SLC2A4RG: variants seen among roughly 807,000 people sequenced by gnomAD.
SLC2A4RG encodes SLC2A4 regulator.
A neutral mutation model predicts 35.5 loss-of-function variants in SLC2A4RG; 23 were observed. That is an observed-to-expected ratio of 0.65 (90% CI 0.47 to 0.92). The LOEUF is 0.92. Ranked by LOEUF, SLC2A4RG falls within the 40% of genes least tolerant of loss-of-function variation. SLC2A4RG has a pLI of 0.00. For missense variants in SLC2A4RG, 539 were observed against 525.0 expected, an observed-to-expected ratio of 1.03 and a Z score of -0.26; for synonymous variants, 306 against 243.7, an observed-to-expected ratio of 1.26 and a Z score of -2.38.
intron 2 of SLC2A4RG, 112 bp downstream of exon 2, chr20:63,740,643 C>T: frequency 3.8e-6 from 4 of 1,056,724 alleles, no homozygotes; most frequent in Non-Finnish European, 3.6e-6. Context: ...TTGTAATTAC[C>T]AGCCACCCCC....
chr20:63,740,307 C>A, intron 1 of SLC2A4RG, 70 bp from the exon 2 acceptor site: 1 of 1,043,270 alleles, frequency 9.6e-7, no homozygotes, highest in Non-Finnish European at 1.2e-6. Flanking sequence ...AGCGGATCCG[C>A]GGCGGAGGTT....
At chr20:63,741,329 C>G (rs1568811872) in intron 2 of SLC2A4RG, 41 bp from the exon 3 acceptor site, 2 of 1,584,572 alleles carry the variant, frequency 1.3e-6, no homozygotes, top group Non-Finnish European at 1.7e-6. Flanking sequence ...GGGCCCAGAG[C>G]TCTGGCTGGG....
intron 1 of SLC2A4RG, 49 bp from the exon 2 acceptor site, chr20:63,740,328 C>T (rs1450479252): frequency 4.3e-6 from 5 of 1,167,298 alleles, no homozygotes; most frequent in African/African-American, 3.2e-5. Flanking sequence ...GAGGGACCCC[C>T]CTCCCCCGGC....
chr20:63,743,344 C>G lies in SLC2A4RG; in HGVS notation c.*354C>G, dbSNP rs1179126475. Reference sequence around the variant, plus strand: ...GCTTTGGGGGGCCAGTCCCGATGCACTTTGAGGGGTGTTGGAGAGGGGACT... The same window carrying G: ...GCTTTGGGGGGCCAGTCCCGATGCAGTTTGAGGGGTGTTGGAGAGGGGACT... On this transcript the variant is annotated 3_prime_UTR_variant, in exon 8 of 8. Coordinates refer to ENST00000266077, the MANE Select transcript of SLC2A4RG (RefSeq NM_020062.4). The G allele has an allele frequency of 5.0e-6, 1 of 201,690 alleles. No individual in the cohort carries two copies. Among genetic ancestry groups the G allele is most frequent in the Non-Finnish European group, 1.0e-5 (1 of 97,660 alleles). 12.5% of individuals were successfully genotyped at this position (201,690 alleles called of 1,614,324 possible).
At position 63,743,085 on chromosome 20, in the gene SLC2A4RG, G is replaced by GTCCTC; in HGVS notation, c.*95_*96insTCCTC. 2 of 492,852 alleles carry GTCCTC rather than the reference G, an allele frequency of 4.1e-6. No individual in the cohort carries two copies. Among genetic ancestry groups the GTCCTC allele is most frequent in the Non-Finnish European group, 6.1e-6 (2 of 325,666 alleles). The allele number at this position is 492,852 out of a possible 1,614,324, so 30.5% of individuals were successfully genotyped here. A position where few individuals can be genotyped will look rare whatever the true frequency, so the allele number is the denominator to read the frequency against. On this transcript the variant is annotated 3_prime_UTR_variant, in exon 8 of 8. Transcript: ENST00000266077. The stretch of plus-strand genomic sequence containing the variant: ...CAGCCCGAGGACAGCCCCAGGGGCT[G>GTCCTC]GCTTTCACCAGCTGCAGGGTCTGCT...
At chr20:63,741,755 TC>T in intron 3 of SLC2A4RG, 113 bp from the exon 4 acceptor site, 1 of 1,442,950 alleles carries the variant, frequency 6.9e-7, no homozygotes, top group Non-Finnish European at 9.1e-7. Flanking sequence ...GGCCAGCTCC[TC>T]CAAGACGCTC....
intron 1 of SLC2A4RG, 107 bp from the exon 2 acceptor site, chr20:63,740,270 C>T: frequency 1.3e-6 from 1 of 787,712 alleles, no homozygotes; most frequent in East Asian, 3.9e-5. Context: ...CCACACCGGC[C>T]GCAGCCGGTT....
At chr20:63,741,140 C>T (rs542945764) in intron 2 of SLC2A4RG, 14 of 564,844 alleles carry the variant, frequency 2.5e-5, no homozygotes, top group African/African-American at 7.6e-5. Context: ...GAGCCAAGCC[C>T]GCGATGTGGA....
In SLC2A4RG at chr20:63,741,862, C is replaced by A. The variant is rs747486859; in HGVS notation, c.392-7C>A. The A allele has an allele frequency of 2.8e-5, 44 of 1,583,918 alleles. 2 individuals carry two copies. In the South Asian group the frequency reaches 4.7e-4, roughly 17 times the overall value. On this transcript the variant is annotated splice_polypyrimidine_tract_variant and splice_region_variant and intron_variant, in intron 3 of 7. Transcript: ENST00000266077. ...AGTTCTAAGGCGGGGGGCCCGTGTC[C>A]CCACAGAGCCTGGCCTGGAGCCCTG...
At chr20:63,740,648 AC>A in intron 2 of SLC2A4RG, 117 bp downstream of exon 2, 1 of 1,032,910 alleles carries the variant, frequency 9.7e-7, no homozygotes, top group Non-Finnish European at 1.2e-6. Flanking sequence ...ATTACCAGCC[AC>A]CCCCAAGCTC....
rs1163263422 is a variant in SLC2A4RG, at chr20:63,742,449, C to T, written c.794C>T (p.Pro265Leu). 5 of 1,601,218 alleles carry T rather than the reference C, an allele frequency of 3.1e-6. No homozygotes were observed. In the South Asian group the frequency reaches 3.4e-5, roughly 11 times the overall value. ...CTGTCCAGCCTGACTCCAGTGTCCCCCACGGCCTCCATGCCGCCTGCCTTC... is the reference window on the plus strand; with the variant it reads ...CTGTCCAGCCTGACTCCAGTGTCCCTCACGGCCTCCATGCCGCCTGCCTTC... The part of the protein sequence containing the change: ...DGLSSLTPVS[P>L]TASMPPAFPR... Residue 265 changes from proline (P) to leucine (L), a missense_variant, in exon 6 of 8, where the codon CCC (proline) becomes CTC (leucine). Coordinates refer to ENST00000266077, the MANE Select transcript of SLC2A4RG (RefSeq NM_020062.4).
chr20:63,742,418 G>A lies in SLC2A4RG; in HGVS notation c.763G>A (p.Asp255Asn), dbSNP rs529863541. ...ELDVGVDTLT[D>N]GLSSLTPVSP... ...GGATGTTGGTGTGGACACGCTGACC[G>A]ACGGGCTGTCCAGCCTGACTCCAGT... Residue 255 changes from aspartate (D) to asparagine (N), a missense_variant, in exon 6 of 8, where the codon GAC (aspartate) becomes AAC (asparagine). By Grantham distance (23) the Asp-to-Asn change is conservative. Transcript: ENST00000266077. The A allele has an allele frequency of 1.4e-5, 23 of 1,609,742 alleles. 1 individual carries two copies. The Middle Eastern group carries it at 5.3e-4, about 37-fold the overall frequency.
At chr20:63,740,716 C>CTGG (rs2092037333) in intron 2 of SLC2A4RG, among the ~76,000 whole-genome samples, 185 bp downstream of exon 2, 5 of 152,242 alleles carry the variant, frequency 3.3e-5, no homozygotes, top group African/African-American at 1.2e-4. Context: ...CCTACACCTC[C>CTGG]CTCCACCGCA....
chr20:63,741,615 G>GC, intron 3 of SLC2A4RG, 136 bp downstream of exon 3: 1 of 1,079,620 alleles, frequency 9.3e-7, no homozygotes, highest in Admixed American at 2.7e-5. Context: ...CACCCTCAGT[G>GC]CCCCCTACTG....
At chr20:63,741,797 A>AG in intron 3 of SLC2A4RG, 72 bp from the exon 4 acceptor site, 1 of 1,473,492 alleles carries the variant, frequency 6.8e-7, no homozygotes, top group Non-Finnish European at 9.0e-7. Context: ...CTTGGTGAAC[A>AG]GGGGCAGCTC....
Position 63,741,885 on chromosome 20 carries a change from C to A in SLC2A4RG, c.408C>A (p.Pro136=). The A allele has an allele frequency of 6.2e-7, 1 of 1,603,636 alleles. No individual in the cohort carries two copies. Among genetic ancestry groups the A allele is most frequent in the East Asian group, 2.3e-5 (1 of 44,174 alleles). Residue 136 remains proline (P), a synonymous_variant, in exon 4 of 8, where the codon CCC becomes CCA. Coordinates refer to ENST00000266077, the MANE Select transcript of SLC2A4RG (RefSeq NM_020062.4). ...AAFSPEPGLE[P]WKEALVRPPG... is the part of the protein sequence containing the mutation. ...TCCCCACAGAGCCTGGCCTGGAGCC[C>A]TGGAAGGAGGCCCTGGTGCGGCCCC...
In SLC2A4RG at chr20:63,742,237, C is replaced by T. The variant is rs563584961; in HGVS notation, c.680+7C>T. 36 of 1,591,486 alleles carry T rather than the reference C, an allele frequency of 2.3e-5. No homozygotes were observed. Among genetic ancestry groups the T allele is most frequent in the South Asian group, 7.9e-5 (7 of 88,762 alleles). ...TCCGCCTGGTGCACCTGGGGTGCGG[C>T]GGGGCCTGGGGTGCGGCGGGGCCTG... On this transcript the variant is annotated splice_region_variant and intron_variant, in intron 5 of 7. Transcript: ENST00000266077.
intron 2 of SLC2A4RG, 84 bp from the exon 3 acceptor site, chr20:63,741,286 T>A: frequency 4.8e-6 from 6 of 1,248,224 alleles, no homozygotes; most frequent in Non-Finnish European, 6.9e-6. Context: ...TGTGCACGCG[T>A]GCCCAGGCCT....
chr20:63,741,794 A>G, intron 3 of SLC2A4RG, 75 bp from the exon 4 acceptor site: 1 of 1,471,764 alleles, frequency 6.8e-7, no homozygotes, highest in Non-Finnish European at 9.0e-7. Flanking sequence ...GGACTTGGTG[A>G]ACAGGGGCAG....
Sources: gnomAD v4.1 joint callset for allele counts (sites outside exome capture counted in the v4.1 genomes callset) on GRCh38, gnomAD v4.1.1 for gene constraint, MANE v1.5 for transcripts, NCBI Gene and HGNC (gene_info 2026-07-23, HGNC 2026-07-21) for gene names.